Variants in CLMP observed in about 807,000 individuals in gnomAD.
CLMP encodes the protein CXADR like cell adhesion molecule.
Under a neutral mutation model 45.2 loss-of-function variants are expected in CLMP, and 27 were observed. That is an observed-to-expected ratio of 0.60 (90% CI 0.44 to 0.82). The LOEUF (loss-of-function observed/expected upper bound fraction) is 0.82. CLMP is among the 40% of genes least tolerant of loss of function. The probability of loss-of-function intolerance (pLI) is 0.00; values close to 1 mark genes in which losing one functional copy is unlikely to be tolerated. For missense variants in CLMP, 403 were observed against 448.4 expected, an observed-to-expected ratio of 0.90 and a Z score of 0.91; for synonymous variants, 167 against 171.4, an observed-to-expected ratio of 0.97 and a Z score of 0.20.
At chr11:123,081,117 C>A (rs1224976797) in intron 5 of CLMP, among the ~76,000 whole-genome samples, 1 of 151,734 alleles carries the variant, frequency 6.6e-6, no homozygotes, top group Admixed American at 6.6e-5. Context: ...CACGCCATTG[C>A]ACTGCAGCCT....
intron 1 of CLMP, among the ~76,000 whole-genome samples, chr11:123,137,147 C>CTTTTTTTTTTTTTTTTTTTTTT (rs375816483): frequency 4.9e-5 from 4 of 82,458 alleles, no homozygotes; most frequent in Non-Finnish European, 6.5e-5. Context: ...TTTTCTTTTT[C>CTTTTTTTTTTTTTTTTTTTTTT]TTTTTTTTTT....
chr11:123,156,994 G>A (rs539194499), intron 1 of CLMP, among the ~76,000 whole-genome samples: 70 of 152,224 alleles, frequency 4.6e-4, no homozygotes, highest in African/African-American at 1.7e-3. Context: ...AAACACTGAG[G>A]GATACATTTA....
intron 1 of CLMP, among the ~76,000 whole-genome samples, chr11:123,106,414 TGTGTGTGTGTGCGCGCGCGCGCGCGCAC>T (rs1308039577): frequency 3.9e-5 from 5 of 129,016 alleles, no homozygotes; most frequent in African/African-American, 1.6e-4. Flanking sequence ...TGTGTGTGTG[TGTGTGTGTGTGCGCGCGCGCGCGCGCAC>T]GTGCCTGCCT....
chr11:123,106,065 C>T (rs1860541966), intron 1 of CLMP, among the ~76,000 whole-genome samples: 1 of 152,120 alleles, frequency 6.6e-6, no homozygotes. Flanking sequence ...ATCCACCCAC[C>T]TCAGACTTCT....
chr11:123,178,602 T>C (rs1861729229), intron 1 of CLMP, among the ~76,000 whole-genome samples: 1 of 152,192 alleles, frequency 6.6e-6, no homozygotes, highest in African/African-American at 2.4e-5. Flanking sequence ...GGACATAACA[T>C]GACCTCCATT....
intron 1 of CLMP, among the ~76,000 whole-genome samples, chr11:123,152,523 A>AAAATAAAT (rs59307398): frequency 0.015 from 2,088 of 142,768 alleles, 36 homozygotes; most frequent in African/African-American, 0.028. Flanking sequence ...ACTCCATCTC[A>AAAATAAAT]AAATAAATAA....
chr11:123,131,500 C>A (rs1481494740), intron 1 of CLMP, among the ~76,000 whole-genome samples: 1 of 152,110 alleles, frequency 6.6e-6, no homozygotes, highest in Middle Eastern at 3.2e-3. Context: ...TAACCTTTTC[C>A]AAACTCTTAA....
chr11:123,152,561 A>T (rs1861353029), intron 1 of CLMP, among the ~76,000 whole-genome samples: 1 of 150,558 alleles, frequency 6.6e-6, no homozygotes, highest in East Asian at 1.9e-4. Context: ...TAAATAAATA[A>T]ATAAAAAATA....
intron 1 of CLMP, among the ~76,000 whole-genome samples, chr11:123,106,518 A>G (rs2135487745): frequency 6.6e-6 from 1 of 152,000 alleles, no homozygotes; most frequent in East Asian, 1.9e-4. Context: ...AAAGAGGATG[A>G]GCTTTGGAGT....
intron 1 of CLMP, among the ~76,000 whole-genome samples, chr11:123,100,584 G>A (rs1233712679): frequency 3.4e-5 from 4 of 118,332 alleles, no homozygotes; most frequent in African/African-American, 1.4e-4. Flanking sequence ...TTCCCCAGGC[G>A]GCGCCTCCCT....
chr11:123,157,613 G>A (rs149249789), intron 1 of CLMP, among the ~76,000 whole-genome samples: 2,073 of 151,642 alleles, frequency 0.014, 21 homozygotes, highest in Non-Finnish European at 0.021. Context: ...CAGCTACTCC[G>A]GAGGCTGAGG....
chr11:123,151,272 C>A (rs578227197), intron 1 of CLMP, among the ~76,000 whole-genome samples: 1 of 152,316 alleles, frequency 6.6e-6, no homozygotes, highest in East Asian at 1.9e-4. Flanking sequence ...CCTGGCAGTT[C>A]TCTATGATAA....
At chr11:123,079,522 C>G (rs996004442) in intron 5 of CLMP, among the ~76,000 whole-genome samples, 4 of 152,218 alleles carry the variant, frequency 2.6e-5, no homozygotes, top group African/African-American at 9.6e-5. Flanking sequence ...GGCCTGATCT[C>G]AGCTTACTGC....
At chr11:123,192,491 G>T (rs762920672) in intron 1 of CLMP, among the ~76,000 whole-genome samples, 30 of 152,244 alleles carry the variant, frequency 2.0e-4, no homozygotes, top group Non-Finnish European at 3.7e-4. Flanking sequence ...GGAGGAGAGA[G>T]GACAGGCAGG....
intron 1 of CLMP, among the ~76,000 whole-genome samples, chr11:123,141,473 C>G (rs997021960): frequency 6.6e-6 from 1 of 152,014 alleles, no homozygotes; most frequent in Non-Finnish European, 1.5e-5. Flanking sequence ...TGTGAGCCAC[C>G]GCGCCCGGCC....
chr11:123,147,898 G>A (rs946497635), intron 1 of CLMP, among the ~76,000 whole-genome samples: 14 of 150,682 alleles, frequency 9.3e-5, no homozygotes, highest in African/African-American at 3.2e-4. Context: ...CTGCAGCCTC[G>A]AACTGCTGAC....
intron 1 of CLMP, among the ~76,000 whole-genome samples, chr11:123,127,099 TTAAA>T (rs954649979): frequency 1.3e-5 from 2 of 152,044 alleles, no homozygotes; most frequent in Non-Finnish European, 2.9e-5. Flanking sequence ...AATTCCATCT[TTAAA>T]TAATTTCTTT....
rs1050701954 is a variant in CLMP, at chr11:123,176,630, CT to C, written c.28+18282del. Among the ~76,000 whole-genome samples the C allele has an allele frequency of 3.3e-5, 5 of 152,194 alleles. 1 individual carries two copies. The highest frequency in any genetic ancestry group is 7.3e-5 in the Non-Finnish European group (5 of 68,038). Reference sequence around the variant, plus strand: ...CCTGGCTCCTTAGCACCAGCTGGGGCTGTTGGAGGTGGGAGCTATATCTGAC... The same window carrying C: ...CCTGGCTCCTTAGCACCAGCTGGGGCGTTGGAGGTGGGAGCTATATCTGAC... On this transcript the variant is annotated intron_variant, in intron 1 of 6. Transcript: ENST00000448775.
intron 1 of CLMP, among the ~76,000 whole-genome samples, chr11:123,164,963 A>G (rs968142060): frequency 1.3e-5 from 2 of 152,244 alleles, no homozygotes; most frequent in Admixed American, 1.3e-4. Flanking sequence ...TGTCCAAGAA[A>G]GAAAGGATGT....
Sources: gnomAD v4.1 joint callset for allele counts (sites outside exome capture counted in the v4.1 genomes callset) on GRCh38, gnomAD v4.1.1 for gene constraint, MANE v1.5 for transcripts, NCBI Gene and HGNC (gene_info 2026-07-23, HGNC 2026-07-21) for gene names.